NUP42: variants seen among roughly 807,000 people sequenced by gnomAD.
NUP42 encodes the protein nucleoporin 42, also known as nucleoporin NUP42.
Under a neutral mutation model 35.9 loss-of-function variants are expected in NUP42, and 47 were observed. That is an observed-to-expected ratio of 1.31 (90% CI 1.04 to 1.67). NUP42 has a LOEUF of 1.67. Ranked by LOEUF, NUP42 falls within the 40% of genes most tolerant of loss-of-function variation. The probability of loss-of-function intolerance (pLI) is 0.00; values close to 1 mark genes in which losing one functional copy is unlikely to be tolerated. For missense variants in NUP42, 514 were observed against 492.2 expected, an observed-to-expected ratio of 1.04 and a Z score of -0.42; for synonymous variants, 173 against 173.3, an observed-to-expected ratio of 1.00 and a Z score of 0.01.
chr7:23,194,249 G>C (rs1352011489), intron 3 of NUP42, among the ~76,000 whole-genome samples: 1 of 152,256 alleles, frequency 6.6e-6, no homozygotes. Context: ...TACCCAGAGC[G>C]AGTGAGGAAT....
rs149729279 is a variant in NUP42 at position 23,197,255 on chromosome 7, A to G, written c.609+489A>G. On this transcript the variant is annotated intron_variant, in intron 5 of 6. Transcript: ENST00000258742. ...GGCAAGTTCATTATCTTTGTAAATA[A>G]AGTTATGATGTTTCTACACCCATTA... 1.1e-3 allele frequency: 1,440 copies of G among 1,271,990 alleles called. 19 individuals are homozygous for G. The African/African-American group carries it at 0.019, about 17-fold the overall frequency. The allele number at this position is 1,271,990 out of a possible 1,614,324, so 78.8% of individuals were successfully genotyped here.
chr7:23,199,124 T>C (rs1786116483), intron 5 of NUP42, among the ~76,000 whole-genome samples: 1 of 152,210 alleles, frequency 6.6e-6, no homozygotes, highest in Non-Finnish European at 1.5e-5. Context: ...TTTTCTTCTC[T>C]TTTCTTTTTT....
chr7:23,198,807 A>G (rs749984914), intron 5 of NUP42, among the ~76,000 whole-genome samples: 1 of 151,690 alleles, frequency 6.6e-6, no homozygotes, highest in Non-Finnish European at 1.5e-5. Context: ...TAATATCTAG[A>G]TTTCTTGATA....
chr7:23,187,942 C>A, intron 3 of NUP42: 4 of 288,082 alleles, frequency 1.4e-5, no homozygotes, highest in African/African-American at 2.4e-5. Flanking sequence ...CTCTGTCTCT[C>A]TCTCTCTCTC....
chr7:23,189,690 A>G (rs1412068757), intron 3 of NUP42, among the ~76,000 whole-genome samples: 1 of 151,996 alleles, frequency 6.6e-6, no homozygotes, highest in African/African-American at 2.4e-5. Flanking sequence ...AGGTGGGTGG[A>G]TCATGAGGTC....
chr7:23,191,714 G>C (rs561747118), intron 3 of NUP42, among the ~76,000 whole-genome samples: 1 of 152,312 alleles, frequency 6.6e-6, no homozygotes, highest in South Asian at 2.1e-4. Flanking sequence ...GGCCAGATGT[G>C]GTGGCTCATG....
At chr7:23,184,298 G>A (rs1406336710) in intron 1 of NUP42, among the ~76,000 whole-genome samples, 2 of 152,170 alleles carry the variant, frequency 1.3e-5, no homozygotes, top group African/African-American at 4.8e-5. Context: ...AGGGTAGAAT[G>A]TAATCTTTCA....
At chr7:23,186,456 C>T (rs761034929) in intron 2 of NUP42, among the ~76,000 whole-genome samples, 2 of 152,128 alleles carry the variant, frequency 1.3e-5, no homozygotes, top group East Asian at 1.9e-4. Flanking sequence ...AATTTAGAGC[C>T]GAATCTACCC....
intron 1 of NUP42, among the ~76,000 whole-genome samples, chr7:23,183,563 C>G (rs1583755599): frequency 6.6e-6 from 1 of 152,182 alleles, no homozygotes; most frequent in East Asian, 1.9e-4. Context: ...GGTTTCACGT[C>G]TGATCCCACT....
chr7:23,188,018 T>A (rs1043065834), intron 3 of NUP42: 31 of 1,174,902 alleles, frequency 2.6e-5, no homozygotes, highest in Non-Finnish European at 3.2e-5. Flanking sequence ...TTTTTATTTT[T>A]TTTTTTGTCC....
At chr7:23,182,658 G>C (rs942429084) in intron 1 of NUP42, among the ~76,000 whole-genome samples, 23 of 151,046 alleles carry the variant, frequency 1.5e-4, no homozygotes, top group Non-Finnish European at 2.9e-4. Flanking sequence ...AGCACTTTGG[G>C]AGGCCGAGGC....
intron 3 of NUP42, among the ~76,000 whole-genome samples, chr7:23,193,613 C>T (rs1785892645): frequency 1.3e-5 from 2 of 152,226 alleles, no homozygotes; most frequent in East Asian, 3.9e-4. Flanking sequence ...AATCCCCTAG[C>T]TAGACATAAA....
At chr7:23,198,779 A>G (rs1375052242) in intron 5 of NUP42, among the ~76,000 whole-genome samples, 13 of 152,220 alleles carry the variant, frequency 8.5e-5, no homozygotes, top group South Asian at 2.1e-4. Context: ...TGGGTATTCT[A>G]TAAAGGTCCT....
intron 3 of NUP42, among the ~76,000 whole-genome samples, chr7:23,189,571 T>C (rs1016538995): frequency 9.9e-5 from 15 of 152,258 alleles, no homozygotes; most frequent in Admixed American, 3.9e-4. Context: ...GCTCTGATGG[T>C]GCCACCACAC....
At chr7:23,188,402 G>A (rs919890496) in intron 3 of NUP42, 5 of 983,266 alleles carry the variant, frequency 5.1e-6, no homozygotes, top group African/African-American at 3.5e-5. Context: ...GATAATTTCA[G>A]ATAATGATAT....
chr7:23,182,655 T>G (rs1785449958), intron 1 of NUP42, among the ~76,000 whole-genome samples: 2 of 143,658 alleles, frequency 1.4e-5, no homozygotes, highest in South Asian at 2.2e-4. Context: ...CCCAGCACTT[T>G]GGGAGGCCGA....
intron 1 of NUP42, among the ~76,000 whole-genome samples, chr7:23,183,818 A>C: frequency 6.7e-6 from 1 of 148,888 alleles, no homozygotes; most frequent in African/African-American, 2.4e-5. Context: ...TCCCCCAGTG[A>C]ATTTGGAACT....
At chr7:23,200,112 T>C in intron 6 of NUP42, 56 bp from the exon 7 acceptor site, 2 of 1,236,836 alleles carry the variant, frequency 1.6e-6, no homozygotes, top group Non-Finnish European at 2.2e-6. Flanking sequence ...AATTGTGACA[T>C]TTTTCTGACC....
intron 5 of NUP42, among the ~76,000 whole-genome samples, chr7:23,199,017 T>C (rs1317329461): frequency 6.6e-6 from 1 of 152,262 alleles, no homozygotes; most frequent in African/African-American, 2.4e-5. Context: ...TAGTTGTGAT[T>C]ATACTGTTTA....
Sources: allele counts gnomAD v4.1 joint callset (sites outside exome capture counted in the v4.1 genomes callset), GRCh38; gene constraint gnomAD v4.1.1; transcripts MANE v1.5; gene names NCBI Gene and HGNC (gene_info 2026-07-23, HGNC 2026-07-21).